The following ZNF644 variants were observed in gnomAD, a reference collection of about 807,000 sequenced individuals.
ZNF644 encodes the protein zinc finger motif enhancer binding protein 2.
Under a neutral mutation model 108.0 loss-of-function variants are expected in ZNF644, and 20 were observed. The observed-to-expected ratio is 0.19, with a 90% confidence interval of 0.13 to 0.27. The LOEUF is 0.27. Among genes scored for constraint, ZNF644 ranks in the 10% least tolerant of loss-of-function variants. The probability of loss-of-function intolerance (pLI) is 1.00; values close to 1 mark genes in which losing one functional copy is unlikely to be tolerated. For missense variants in ZNF644, 1,338 were observed against 1,548.9 expected, an observed-to-expected ratio of 0.86 and a Z score of 2.29; for synonymous variants, 542 against 539.1, an observed-to-expected ratio of 1.01 and a Z score of -0.08.
At chr1:90,981,306 G>A (rs1656529977) in intron 2 of ZNF644, among the ~76,000 whole-genome samples, 1 of 152,022 alleles carries the variant, frequency 6.6e-6, no homozygotes, top group African/African-American at 2.4e-5. Context: ...AATAAGGTAT[G>A]ACAAGCACTT....
intron 1 of ZNF644, among the ~76,000 whole-genome samples, chr1:91,013,644 C>T (rs144325718): frequency 4.6e-5 from 7 of 152,048 alleles, no homozygotes; most frequent in East Asian, 1.9e-4. Context: ...CTATCCTTTA[C>T]GGTTCAGTTC....
intron 4 of ZNF644, among the ~76,000 whole-genome samples, chr1:90,934,152 G>A (rs1651067852): frequency 6.6e-6 from 1 of 152,126 alleles, no homozygotes; most frequent in South Asian, 2.1e-4. Context: ...TAATCTCAGA[G>A]TAGGAGGCCT....
At chr1:90,935,483 TA>T in intron 4 of ZNF644, 1 of 985,872 alleles carries the variant, frequency 1.0e-6, no homozygotes, top group Non-Finnish European at 1.2e-6. Flanking sequence ...ACAGCACTTG[TA>T]AACGTCGTAT....
In ZNF644 at chr1:91,005,226, G is replaced by A. The variant is rs141341462; in HGVS notation, c.-18+16764C>T. Among the ~76,000 whole-genome samples, 45 of 152,156 alleles carry A rather than the reference G, an allele frequency of 3.0e-4. 1 individual carries two copies. The East Asian group carries it at 6.7e-3, about 23-fold the overall frequency. ...ACAACAGACATTAAGACAAAAAATT[G>A]CTACTACAGAGAATGTTTTGTAACA... On this transcript the variant is annotated intron_variant, in intron 1 of 5. Transcript: ENST00000337393.
intron 2 of ZNF644, among the ~76,000 whole-genome samples, chr1:90,953,829 T>C (rs1170696789): frequency 6.6e-6 from 1 of 151,948 alleles, no homozygotes. Flanking sequence ...GGCAGGAGAA[T>C]TGCTTGAACC....
chr1:90,973,663 C>T (rs1557617322), intron 2 of ZNF644, among the ~76,000 whole-genome samples: 1 of 151,384 alleles, frequency 6.6e-6, no homozygotes, highest in African/African-American at 2.4e-5. Context: ...TTTAAGAAAA[C>T]ATATATATAT....
chr1:90,951,469 C>T (rs1364089639), intron 2 of ZNF644, among the ~76,000 whole-genome samples: 1 of 152,086 alleles, frequency 6.6e-6, no homozygotes, highest in Non-Finnish European at 1.5e-5. Flanking sequence ...TCTCTACTAG[C>T]GTAAGGCCTT....
Position 90,937,785 on chromosome 1 carries a change from T to C in ZNF644, c.3388A>G (p.Asn1130Asp). ...GACAGAGCTTCAGTCTTTAGGCCAT[T>C]ACGGTATGCTTCAAGAGGTATAACA... is the stretch of plus-strand genomic sequence containing the variant. The part of the protein sequence containing the change: ...QNVIPLEAYR[N>D]GLKTEALSVS... The change falls in exon 4 of 6, where the codon AAT (asparagine) becomes GAT (aspartate). Residue 1130 changes from asparagine to aspartate, a missense_variant. Asn to Asp is a conservative substitution (Grantham distance 23). Around this residue, in one of 6 missense-constraint regions of ZNF644, gnomAD observed 287 missense variants for 310.9 expected, o/e 0.92. Coordinates refer to ENST00000337393, the MANE Select transcript of ZNF644 (RefSeq NM_201269.3). 1 of 1,613,914 alleles carries C rather than the reference T, an allele frequency of 6.2e-7. No individual in the cohort carries two copies. Among genetic ancestry groups the C allele is most frequent in the African/African-American group, 1.3e-5 (1 of 75,040 alleles).
intron 1 of ZNF644, among the ~76,000 whole-genome samples, chr1:90,998,059 T>C (rs1658347757): frequency 2.6e-5 from 4 of 152,104 alleles, no homozygotes; most frequent in African/African-American, 7.2e-5. Flanking sequence ...AAGCTCGAAC[T>C]GGGGGGAGCC....
chr1:91,018,705 T>TA (rs1490279348), intron 1 of ZNF644, among the ~76,000 whole-genome samples: 2 of 152,184 alleles, frequency 1.3e-5, no homozygotes, highest in East Asian at 3.8e-4. Context: ...GAAAATGGTC[T>TA]AAATAAGTAA....
At chr1:90,987,254 T>G (rs1412027096) in intron 1 of ZNF644, among the ~76,000 whole-genome samples, 7 of 148,720 alleles carry the variant, frequency 4.7e-5, no homozygotes, top group South Asian at 2.1e-4. Context: ...TGGTTTTTTT[T>G]TTTTTTTTTT....
chr1:91,021,033 T>C (rs952496040), intron 1 of ZNF644: 4 of 152,068 alleles, frequency 2.6e-5, no homozygotes, highest in African/African-American at 9.7e-5. Context: ...CCAACAAGAG[T>C]TGTCTGTAGA....
At chr1:90,954,911 A>G (rs117541972) in intron 2 of ZNF644, among the ~76,000 whole-genome samples, 4,759 of 152,308 alleles carry the variant, frequency 0.031, 200 homozygotes, top group East Asian at 0.2. Context: ...TCCTTTCCAG[A>G]AAGTTTTCAA....
chr1:90,993,645 G>T (rs1009483255), intron 1 of ZNF644, among the ~76,000 whole-genome samples: 1 of 152,046 alleles, frequency 6.6e-6, no homozygotes, highest in East Asian at 1.9e-4. Context: ...TGAAGACAAG[G>T]GGGGAAAAAG....
intron 2 of ZNF644, among the ~76,000 whole-genome samples, chr1:90,948,235 G>A (rs7349088): frequency 2.0e-5 from 3 of 152,166 alleles, no homozygotes; most frequent in Admixed American, 6.5e-5. Flanking sequence ...TGTTTATTCA[G>A]GAAATGCTAG....
At chr1:90,968,799 T>C (rs1449241450) in intron 2 of ZNF644, among the ~76,000 whole-genome samples, 2 of 152,190 alleles carry the variant, frequency 1.3e-5, no homozygotes, top group African/African-American at 4.8e-5. Context: ...TACAGATAAA[T>C]AGATATATTG....
intron 2 of ZNF644, among the ~76,000 whole-genome samples, chr1:90,956,688 T>C (rs1008701111): frequency 6.6e-6 from 1 of 151,818 alleles, no homozygotes; most frequent in Non-Finnish European, 1.5e-5. Context: ...AAGAAGAAAA[T>C]AATCAATCTT....
At chr1:90,970,229 C>A (rs1372496170) in intron 2 of ZNF644, among the ~76,000 whole-genome samples, 1 of 152,200 alleles carries the variant, frequency 6.6e-6, no homozygotes, top group Non-Finnish European at 1.5e-5. Flanking sequence ...ACATTTAAAA[C>A]ATATGGATCT....
intron 4 of ZNF644, among the ~76,000 whole-genome samples, chr1:90,928,213 C>T (rs528153766): frequency 4.0e-4 from 61 of 151,648 alleles, no homozygotes; most frequent in Admixed American, 1.6e-3. Context: ...AGTGCAGTGG[C>T]GCAATCTTGG....
Sources: gnomAD v4.1 joint callset for allele counts (sites outside exome capture counted in the v4.1 genomes callset) on GRCh38, gnomAD v4.1.1 for gene constraint, gnomAD v4.1.1 regional missense constraint, MANE v1.5 for transcripts, NCBI Gene and HGNC (gene_info 2026-07-23, HGNC 2026-07-21) for gene names.